NTN1: variants seen among roughly 807,000 people sequenced by gnomAD.
The protein encoded by NTN1 is netrin 1, also known as netrin-1.
In NTN1, 11 loss-of-function variants were observed where a neutral mutation model predicts 54.2. The observed-to-expected ratio is 0.20, with a 90% confidence interval of 0.13 to 0.34. The LOEUF is 0.34. NTN1 is among the 10% of genes least tolerant of loss of function. The probability of loss-of-function intolerance (pLI) is 1.00; values close to 1 mark genes in which losing one functional copy is unlikely to be tolerated. For synonymous variants in NTN1, 371 were observed against 382.0 expected (o/e 0.97, Z 0.33); for missense variants, 740 against 893.1 (o/e 0.83, Z 2.18).
chr17:9,013,714 C>T, the NTN1 span, among the ~76,000 whole-genome samples: 1 of 152,158 alleles, frequency 6.6e-6, no homozygotes, highest in African/African-American at 2.4e-5. Flanking sequence ...AGGGGATTCC[C>T]TCCTTCAGAG....
chr17:9,234,231 G>A (rs1174793968), intron 6 of NTN1, among the ~76,000 whole-genome samples: 1 of 152,234 alleles, frequency 6.6e-6, no homozygotes, highest in Non-Finnish European at 1.5e-5. Context: ...GTGGCTGAGA[G>A]AGTTCTTGGA....
chr17:9,140,955 G>A (rs1359643838), intron 2 of NTN1, among the ~76,000 whole-genome samples: 2 of 152,174 alleles, frequency 1.3e-5, no homozygotes, highest in Admixed American at 6.5e-5. Context: ...TGGGGTCAGG[G>A]GAGTGGGCGG....
intron 2 of NTN1, among the ~76,000 whole-genome samples, chr17:9,117,799 G>C (rs1022264146): frequency 5.5e-5 from 8 of 145,882 alleles, no homozygotes; most frequent in Admixed American, 5.4e-4. Flanking sequence ...AAGCTTCCAT[G>C]TGCACGGCGT....
At chr17:9,155,530 G>A (rs1273985166) in intron 2 of NTN1, among the ~76,000 whole-genome samples, 2 of 151,900 alleles carry the variant, frequency 1.3e-5, no homozygotes, top group Admixed American at 6.6e-5. Context: ...TAGTAGAGAC[G>A]GGGTTTCTCC....
chr17:9,230,751 C>T (rs1048568095), intron 6 of NTN1, among the ~76,000 whole-genome samples: 20 of 152,222 alleles, frequency 1.3e-4, no homozygotes, highest in Non-Finnish European at 2.6e-4. Flanking sequence ...GAGAGATGGG[C>T]CCCAGAAGGG....
chr17:9,126,543 GGGTAT>G (rs2092248076), intron 2 of NTN1, among the ~76,000 whole-genome samples: 1 of 152,036 alleles, frequency 6.6e-6, no homozygotes, highest in Non-Finnish European at 1.5e-5. Flanking sequence ...GAGAGATAAA[GGGTAT>G]GGTAAGTTCT....
chr17:9,018,783 T>C (rs1248790570), upstream of NTN1, among the ~76,000 whole-genome samples: 1 of 152,182 alleles, frequency 6.6e-6, no homozygotes. Flanking sequence ...TGCTGGAATG[T>C]CTTTTCCTGA....
At chr17:9,117,804 C>T (rs1019878714) in intron 2 of NTN1, among the ~76,000 whole-genome samples, 4 of 149,794 alleles carry the variant, frequency 2.7e-5, no homozygotes, top group Admixed American at 2.0e-4. Context: ...TCCATGTGCA[C>T]GGCGTGTCAT....
chr17:9,207,792 C>T (rs1905004305), intron 5 of NTN1, among the ~76,000 whole-genome samples: 1 of 152,254 alleles, frequency 6.6e-6, no homozygotes. Flanking sequence ...GAAAAGCCTT[C>T]TGATTCAGAG....
chr17:9,042,157 ACTAT>A (rs1199947184), intron 2 of NTN1, among the ~76,000 whole-genome samples: 1 of 152,116 alleles, frequency 6.6e-6, no homozygotes, highest in Non-Finnish European at 1.5e-5. Flanking sequence ...GAAAACACTT[ACTAT>A]CTATCATTTT....
chr17:9,162,643 C>G (rs752062616), intron 2 of NTN1, among the ~76,000 whole-genome samples, 170 bp from the exon 3 acceptor site: 1 of 152,190 alleles, frequency 6.6e-6, no homozygotes, highest in African/African-American at 2.4e-5. Flanking sequence ...TAAATGCTTA[C>G]GGGTACAAAC....
chr17:9,090,524 T>C (rs1391125565), intron 2 of NTN1, among the ~76,000 whole-genome samples: 1 of 152,048 alleles, frequency 6.6e-6, no homozygotes, highest in Non-Finnish European at 1.5e-5. Flanking sequence ...TCTCTGTGAC[T>C]CACTAAGCAA....
At chr17:9,097,449 C>T (rs1408290468) in intron 2 of NTN1, among the ~76,000 whole-genome samples, 1 of 152,040 alleles carries the variant, frequency 6.6e-6, no homozygotes, top group Non-Finnish European at 1.5e-5. Context: ...ATGGTGAAAC[C>T]TCATCTCTAC....
At chr17:9,136,316 G>A (rs1597501488) in intron 2 of NTN1, among the ~76,000 whole-genome samples, 1 of 152,256 alleles carries the variant, frequency 6.6e-6, no homozygotes, top group East Asian at 1.9e-4. Context: ...GCTCACGCCT[G>A]TAATCCCAGC....
intron 6 of NTN1, among the ~76,000 whole-genome samples, chr17:9,232,847 C>T (rs753691272): frequency 3.2e-4 from 49 of 152,164 alleles, no homozygotes; most frequent in Non-Finnish European, 4.8e-4. Flanking sequence ...GGCCCTTCCT[C>T]CCTTCGCAGG....
chr17:9,239,868 C>G lies in NTN1; in HGVS notation c.1715C>G (p.Ala572Gly), dbSNP rs756618575. The G allele has an allele frequency of 6.2e-6, 10 of 1,611,942 alleles. No homozygotes were observed. In the South Asian group the frequency reaches 8.8e-5, roughly 14 times the overall value. The change falls in exon 7 of 7, where the codon GCC (alanine) becomes GGC (glycine). Residue 572 changes from alanine to glycine, a missense_variant. Transcript: ENST00000173229. The surrounding 1 kb of genome is among the most constrained non-coding windows in gnomAD (Gnocchi z 5.2). ...TCTCCGGACCAGAGCGGCATCGTGG[C>G]CGATAAAAGCAGCCTGGTGATCCAG... Reference protein sequence around the residue: ...EDSPDQSGIVADKSSLVIQWR... With the variant: ...EDSPDQSGIVGDKSSLVIQWR...
intron 2 of NTN1, among the ~76,000 whole-genome samples, chr17:9,112,174 G>A (rs1031488888): frequency 5.3e-5 from 8 of 152,252 alleles, no homozygotes; most frequent in Admixed American, 4.6e-4. Flanking sequence ...CCCTGCAAGG[G>A]AGCCCCAGTG....
intron 2 of NTN1, among the ~76,000 whole-genome samples, chr17:9,065,192 C>T (rs967412310): frequency 5.9e-5 from 9 of 152,172 alleles, no homozygotes; most frequent in Admixed American, 1.3e-4. Flanking sequence ...CTGCCTCCAC[C>T]TCCTGAAGTG....
intron 5 of NTN1, among the ~76,000 whole-genome samples, chr17:9,209,791 A>G (rs1008955931): frequency 6.6e-5 from 10 of 152,210 alleles, no homozygotes; most frequent in African/African-American, 2.4e-4. Context: ...ACATAGTTGC[A>G]GTCCCTGAGA....
Sources: gnomAD v4.1 joint callset for allele counts (sites outside exome capture counted in the v4.1 genomes callset) on GRCh38, gnomAD v4.1.1 for gene constraint, Gnocchi (gnomAD v3.1) non-coding constraint, MANE v1.5 for transcripts, NCBI Gene and HGNC (gene_info 2026-07-23, HGNC 2026-07-21) for gene names.